The following NEGR1 variants were observed in gnomAD, a reference collection of about 807,000 sequenced individuals.
NEGR1 encodes IgLON family member 4.
NEGR1 carries 10 observed loss-of-function variants against 40.9 expected under a neutral mutation model. The observed-to-expected ratio is 0.24, with a 90% CI of 0.15 to 0.42. The LOEUF (loss-of-function observed/expected upper bound fraction) is 0.42, where lower values mean the gene tolerates loss of function less well. NEGR1 is among the 10% of genes least tolerant of loss of function. The pLI is 1.00. For missense variants in NEGR1, 352 were observed against 438.9 expected, an observed-to-expected ratio of 0.80 and a Z score of 1.77; for synonymous variants, 185 against 166.8, an observed-to-expected ratio of 1.11 and a Z score of -0.84.
chr1:71,461,293 C>G (rs1214672182), intron 6 of NEGR1, among the ~76,000 whole-genome samples: 1 of 152,126 alleles, frequency 6.6e-6, no homozygotes, highest in African/African-American at 2.4e-5. Context: ...AAACATCATA[C>G]ATTATCCTAA....
intron 3 of NEGR1, among the ~76,000 whole-genome samples, chr1:71,707,124 GAA>G (rs35144443): frequency 6.6e-6 from 1 of 151,652 alleles, no homozygotes. Context: ...AAAAGCAAAG[GAA>G]AAAAAGGGGT....
intron 2 of NEGR1, among the ~76,000 whole-genome samples, chr1:71,920,418 G>A (rs1645705313): frequency 6.6e-6 from 1 of 152,020 alleles, no homozygotes; most frequent in Non-Finnish European, 1.5e-5. Context: ...ATCACTTCAT[G>A]CCTTGTAATT....
chr1:72,154,061 G>A (rs1289804738), intron 1 of NEGR1, among the ~76,000 whole-genome samples: 1 of 151,838 alleles, frequency 6.6e-6, no homozygotes, highest in African/African-American at 2.4e-5. Context: ...GCAAATGTGA[G>A]TATCTCATTG....
chr1:71,835,127 A>C (rs1337681564), intron 2 of NEGR1, among the ~76,000 whole-genome samples: 1 of 152,038 alleles, frequency 6.6e-6, no homozygotes, highest in East Asian at 1.9e-4. Context: ...TAATAGGGTT[A>C]TGTGTTTCTA....
At chr1:71,688,403 TAA>T (rs372284032) in intron 4 of NEGR1, among the ~76,000 whole-genome samples, 115 of 30,116 alleles carry the variant, frequency 3.8e-3, no homozygotes, top group East Asian at 6.1e-3. Flanking sequence ...AATATATATA[TAA>T]GATATATATA....
chr1:71,843,643 C>A (rs1570421993), intron 2 of NEGR1, among the ~76,000 whole-genome samples: 1 of 152,212 alleles, frequency 6.6e-6, no homozygotes, highest in East Asian at 1.9e-4. Context: ...GGTAGTAAAA[C>A]ATTCGTAATA....
At chr1:71,414,827 A>T (rs1454445937) in intron 6 of NEGR1, among the ~76,000 whole-genome samples, 1 of 152,120 alleles carries the variant, frequency 6.6e-6, no homozygotes, top group Non-Finnish European at 1.5e-5. Flanking sequence ...TACTAAACAC[A>T]CCTTCATTGT....
chr1:71,694,541 T>C (rs1409727706), intron 4 of NEGR1, among the ~76,000 whole-genome samples: 2 of 151,754 alleles, frequency 1.3e-5, no homozygotes, highest in Non-Finnish European at 3.0e-5. Flanking sequence ...ATCTGTATAG[T>C]CAATTATATA....
chr1:71,558,159 TA>T (rs1191240770), intron 6 of NEGR1, among the ~76,000 whole-genome samples: 3 of 151,578 alleles, frequency 2.0e-5, no homozygotes, highest in African/African-American at 7.3e-5. Flanking sequence ...TTCTCCACTG[TA>T]AAGTGACTAT....
intron 6 of NEGR1, among the ~76,000 whole-genome samples, chr1:71,562,878 C>T (rs1648504460): frequency 6.6e-6 from 1 of 151,954 alleles, no homozygotes; most frequent in African/African-American, 2.4e-5. Context: ...TATCACTTAC[C>T]TGGCTCATAT....
chr1:71,978,353 G>C (rs1314126953), intron 1 of NEGR1, among the ~76,000 whole-genome samples: 2 of 152,100 alleles, frequency 1.3e-5, no homozygotes, highest in Non-Finnish European at 2.9e-5. Context: ...TTTATGTCAT[G>C]ATGCTAAAGT....
At chr1:71,543,694 C>T (rs1211487708) in intron 6 of NEGR1, among the ~76,000 whole-genome samples, 1 of 151,660 alleles carries the variant, frequency 6.6e-6, no homozygotes, top group Non-Finnish European at 1.5e-5. Flanking sequence ...CTCAACACAT[C>T]TAGGTTTTGC....
At chr1:71,673,862 T>C (rs967479360) in intron 4 of NEGR1, among the ~76,000 whole-genome samples, 14 of 152,136 alleles carry the variant, frequency 9.2e-5, no homozygotes, top group African/African-American at 3.1e-4. Context: ...CACAGTTCTA[T>C]GGAGCTCAGT....
chr1:71,747,971 A>G (rs1160757782), intron 3 of NEGR1, among the ~76,000 whole-genome samples: 5 of 152,186 alleles, frequency 3.3e-5, no homozygotes, highest in Non-Finnish European at 5.9e-5. Context: ...TATTGGACAG[A>G]ATAAGTCTAC....
At chr1:72,185,510 G>A (rs1652579665) in intron 1 of NEGR1, among the ~76,000 whole-genome samples, 2 of 151,808 alleles carry the variant, frequency 1.3e-5, no homozygotes, top group South Asian at 4.1e-4. Flanking sequence ...TTTCCCAGGA[G>A]AGCTGTAGAA....
intron 1 of NEGR1, among the ~76,000 whole-genome samples, chr1:71,965,516 T>C (rs2100304772): frequency 6.6e-6 from 1 of 152,280 alleles, no homozygotes; most frequent in African/African-American, 2.4e-5. Context: ...TAAATCTTCC[T>C]AGACCTAGGC....
intron 2 of NEGR1, among the ~76,000 whole-genome samples, chr1:71,777,595 G>A (rs1459801): frequency 0.76 from 115,645 of 151,902 alleles, 46,294 homozygotes; most frequent in Non-Finnish European, 0.88. Flanking sequence ...AGAAAAATAA[G>A]ATTTTTACTG....
chr1:71,678,236 G>A (rs866340020), intron 4 of NEGR1, among the ~76,000 whole-genome samples: 13 of 152,074 alleles, frequency 8.5e-5, no homozygotes, highest in Non-Finnish European at 8.8e-5. Context: ...ATCAAAAGGG[G>A]GTAAAGGCAA....
intron 4 of NEGR1, among the ~76,000 whole-genome samples, chr1:71,629,722 AG>A (rs1410300272): frequency 6.6e-6 from 1 of 152,014 alleles, no homozygotes; most frequent in Non-Finnish European, 1.5e-5. Context: ...CAGTCATCTC[AG>A]CCCAAAATCT....
Sources: allele counts gnomAD v4.1 joint callset (sites outside exome capture counted in the v4.1 genomes callset), GRCh38; gene constraint gnomAD v4.1.1; transcripts MANE v1.5; gene names NCBI Gene and HGNC (gene_info 2026-07-23, HGNC 2026-07-21).